The following ZNF85 variants were observed in gnomAD, a reference collection of about 807,000 sequenced individuals.
ZNF85 encodes zinc finger protein 85.
In ZNF85, 50 loss-of-function variants were observed where a neutral mutation model predicts 53.9. That is an observed-to-expected ratio of 0.93 (90% CI 0.74 to 1.17). ZNF85 has a LOEUF of 1.17. Among genes scored for constraint, ZNF85 ranks in the 50% most tolerant of loss-of-function variants. The pLI, the probability that ZNF85 is intolerant of heterozygous loss-of-function variation, is 0.00. For missense variants in ZNF85, 747 were observed against 688.5 expected (o/e 1.08, Z -0.95); for synonymous variants, 225 against 226.1 (o/e 1.00, Z 0.04).
intron 3 of ZNF85, chr19:20,943,058 G>A (rs935598925): frequency 4.3e-5 from 19 of 443,476 alleles, no homozygotes; most frequent in Middle Eastern, 5.6e-4. Flanking sequence ...TTATAGGTAT[G>A]AGCCTGTTCA....
chr19:20,946,214 C>A (rs1446094630), intron 3 of ZNF85: 4 of 312,380 alleles, frequency 1.3e-5, no homozygotes, highest in South Asian at 3.1e-5. Context: ...ATTAATTATA[C>A]CCTGATTCCA....
intron 3 of ZNF85, among the ~76,000 whole-genome samples, chr19:20,938,884 A>ATG (rs1353951784): frequency 1.6e-3 from 227 of 144,626 alleles, no homozygotes; most frequent in East Asian, 3.4e-3. Context: ...GTGTATATAT[A>ATG]TGTGTGTGTG....
At chr19:20,934,857 A>T in intron 2 of ZNF85, 92 bp from the exon 3 acceptor site, 2 of 633,834 alleles carry the variant, frequency 3.2e-6, no homozygotes, top group South Asian at 2.7e-5. Flanking sequence ...ATAAATTAGT[A>T]TTTTGGGATT....
At chr19:20,939,724 C>T (rs1430600011) in intron 3 of ZNF85, among the ~76,000 whole-genome samples, 2 of 151,986 alleles carry the variant, frequency 1.3e-5, no homozygotes, top group Non-Finnish European at 2.9e-5. Context: ...GTGTGCTTAT[C>T]TATAAATATG....
At position 20,949,044 on chromosome 19, in the gene ZNF85, C is replaced by A; in HGVS notation, c.530C>A (p.Thr177Lys). The change falls in exon 4 of 4, where the codon ACA becomes AAA. Residue 177 changes from threonine to lysine, a missense_variant. By Grantham distance (78) the Thr-to-Lys change is moderately conservative. Coordinates refer to ENST00000328178, the MANE Select transcript of ZNF85 (RefSeq NM_003429.5). Reference sequence around the variant, plus strand: ...ACTAAAAAGAAACCTTTCAAATGTACAAAATGTGGCAAATCATTTGGCATG... The same window carrying A: ...ACTAAAAAGAAACCTTTCAAATGTAAAAAATGTGGCAAATCATTTGGCATG... ...RHTKKKPFKC[T>K]KCGKSFGMIS... The A allele has an allele frequency of 6.2e-7, 1 of 1,613,552 alleles. No homozygotes were observed.
intron 3 of ZNF85, among the ~76,000 whole-genome samples, chr19:20,940,122 T>C (rs556326369): frequency 1.3e-5 from 2 of 152,216 alleles, no homozygotes; most frequent in East Asian, 3.9e-4. Context: ...AAAAACACTT[T>C]GTGATATGAA....
intron 3 of ZNF85, chr19:20,943,780 A>G (rs1234930272): frequency 6.6e-6 from 1 of 152,102 alleles, no homozygotes; most frequent in South Asian, 2.1e-4. Context: ...CTAATGTTGT[A>G]TATACATATA....
intron 1 of ZNF85, among the ~76,000 whole-genome samples, chr19:20,924,375 G>A (rs745842681): frequency 1.3e-5 from 2 of 152,060 alleles, no homozygotes; most frequent in Non-Finnish European, 2.9e-5. Flanking sequence ...TGTTTTCCCC[G>A]ATGTGGTAAT....
intron 1 of ZNF85, among the ~76,000 whole-genome samples, chr19:20,932,908 G>A (rs1490558833): frequency 6.6e-6 from 1 of 151,982 alleles, no homozygotes; most frequent in Non-Finnish European, 1.5e-5. Context: ...ATATGTCCTA[G>A]GATGGGCGCG....
At chr19:20,936,656 A>T (rs1973165311) in intron 3 of ZNF85, 1 of 154,502 alleles carries the variant, frequency 6.5e-6, no homozygotes, top group Non-Finnish European at 1.4e-5. Context: ...CAACTTGTGG[A>T]TGCTGAGAAA....
chr19:20,938,263 T>C (rs769224313), intron 3 of ZNF85, among the ~76,000 whole-genome samples: 2 of 152,090 alleles, frequency 1.3e-5, no homozygotes, highest in Non-Finnish European at 2.9e-5. Context: ...AGAGACATGG[T>C]TTTACCATGT....
rs1568547937 is a variant in ZNF85 at position 20,933,955 on chromosome 19, T to TTG, written c.4-68_4-67insGT. Reference sequence around the variant, plus strand: ...AATGCTTTTCATAACCAGTTGGTAATTATGTGTGTGTGTGTGTGTGTGTGT... The same window carrying TTG: ...AATGCTTTTCATAACCAGTTGGTAATTGTATGTGTGTGTGTGTGTGTGTGTGT... On this transcript the variant is annotated intron_variant, in intron 1 of 3. Transcript: ENST00000328178. 6 of 1,304,158 alleles carry TTG rather than the reference T, an allele frequency of 4.6e-6. No individual in the cohort carries two copies. The Admixed American group carries it at 1.1e-4, about 24-fold the overall frequency. 80.8% of individuals were successfully genotyped at this position (1,304,158 alleles called of 1,614,324 possible). A position where few individuals can be genotyped will look rare whatever the true frequency, so the allele number is the denominator to read the frequency against.
chr19:20,941,414 C>G (rs981672154), intron 3 of ZNF85, among the ~76,000 whole-genome samples: 1 of 152,084 alleles, frequency 6.6e-6, no homozygotes, highest in Non-Finnish European at 1.5e-5. Context: ...AGGCACATGC[C>G]GTCACACCCG....
Position 20,949,938 on chromosome 19 carries a change from G to A in ZNF85, c.1424G>A (p.Ser475Asn), listed in dbSNP as rs771685488. 16 of 1,606,796 alleles carry A rather than the reference G, an allele frequency of 1.0e-5. No homozygotes were observed. Among genetic ancestry groups the A allele is most frequent in the South Asian group, 2.2e-5 (2 of 90,524 alleles). Reference protein sequence around the residue: ...QSSNLTRHKKSHTEEKPYKCE... With the variant: ...QSSNLTRHKKNHTEEKPYKCE... ...TCAAATCTTACTAGACATAAGAAAAGTCATACAGAAGAGAAACCTTACAAA... is the reference window on the plus strand; with the variant it reads ...TCAAATCTTACTAGACATAAGAAAAATCATACAGAAGAGAAACCTTACAAA... Residue 475 changes from serine to asparagine, a missense_variant, in exon 4 of 4, where the codon AGT becomes AAT. Coordinates refer to ENST00000328178, the MANE Select transcript of ZNF85 (RefSeq NM_003429.5).
At chr19:20,935,311 G>A (rs138384105) in intron 3 of ZNF85, among the ~76,000 whole-genome samples, 1,816 of 152,266 alleles carry the variant, frequency 0.012, 34 homozygotes, top group African/African-American at 0.034. Context: ...TGGCATATAA[G>A]AGACTGCGCA....
chr19:20,934,465 T>C (rs560551305), intron 2 of ZNF85, among the ~76,000 whole-genome samples: 5 of 152,224 alleles, frequency 3.3e-5, no homozygotes, highest in African/African-American at 9.6e-5. Flanking sequence ...TCAATAGTAC[T>C]GGATAGTAAA....
chr19:20,930,438 A>G (rs1972988434), intron 1 of ZNF85, among the ~76,000 whole-genome samples: 1 of 152,288 alleles, frequency 6.6e-6, no homozygotes, highest in Middle Eastern at 3.4e-3. Flanking sequence ...ATCTGTCTAT[A>G]TTTAGCTTTT....
At chr19:20,934,508 G>A (rs757664134) in intron 2 of ZNF85, among the ~76,000 whole-genome samples, 9 of 152,102 alleles carry the variant, frequency 5.9e-5, no homozygotes, top group Admixed American at 2.0e-4. Context: ...GGTGGCTCAC[G>A]CCTGTAATCC....
At chr19:20,935,716 C>T (rs1194823779) in intron 3 of ZNF85, among the ~76,000 whole-genome samples, 3 of 148,482 alleles carry the variant, frequency 2.0e-5, no homozygotes, top group South Asian at 2.1e-4. Flanking sequence ...GGTGTGATCT[C>T]GGCTCACCGC....
Sources: allele counts gnomAD v4.1 joint callset (sites outside exome capture counted in the v4.1 genomes callset), GRCh38; gene constraint gnomAD v4.1.1; transcripts MANE v1.5; gene names NCBI Gene and HGNC (gene_info 2026-07-23, HGNC 2026-07-21).